The following FOCAD variants were observed in gnomAD, a reference collection of about 807,000 sequenced individuals.
The protein encoded by FOCAD is focadhesin.
A neutral mutation model predicts 225.6 loss-of-function variants in FOCAD; 198 were observed. The ratio of observed to expected loss-of-function variants is 0.88; its 90% CI spans 0.78 to 0.99. The LOEUF (loss-of-function observed/expected upper bound fraction) is 0.99, where lower values mean the gene tolerates loss of function less well. Among genes scored for constraint, FOCAD ranks in the 50% least tolerant of loss-of-function variants. The pLI is 0.00. For missense variants in FOCAD, 2,713 were observed against 2,123.6 expected, an observed-to-expected ratio of 1.28 and a Z score of -5.46; for synonymous variants, 897 against 755.0, an observed-to-expected ratio of 1.19 and a Z score of -3.08.
intron 28 of FOCAD, among the ~76,000 whole-genome samples, chr9:20,939,122 C>A (rs960243697): frequency 8.3e-6 from 1 of 119,992 alleles, no homozygotes; most frequent in South Asian, 2.9e-4. Flanking sequence ...TGCACTCCAG[C>A]CTGGGCGACA....
In FOCAD at chr9:20,711,092, C is replaced by T. The variant is rs569366461; in HGVS notation, c.-32-4230C>T. Among the ~76,000 whole-genome samples the T allele has an allele frequency of 1.2e-4, 19 of 152,224 alleles. No homozygotes were observed. The East Asian group carries it at 3.3e-3, about 26-fold the overall frequency. On this transcript the variant is annotated intron_variant, in intron 1 of 43. Transcript: ENST00000338382. ...TACAAATAGTTACATGTGCCTCAGA[C>T]CAAAATGCAGTAACACTGAATATAA...
At chr9:20,887,493 C>G (rs1831200218) in intron 21 of FOCAD, among the ~76,000 whole-genome samples, 1 of 152,186 alleles carries the variant, frequency 6.6e-6, no homozygotes, top group South Asian at 2.1e-4. Flanking sequence ...CCTCGGCCTC[C>G]CAAAGTGCTG....
In FOCAD at chr9:20,838,787, G is replaced by A. The variant is rs1035467250; in HGVS notation, c.1920+15672G>A. Among the ~76,000 whole-genome samples the A allele has an allele frequency of 2.6e-5, 4 of 152,074 alleles. No homozygotes were observed. The South Asian group carries it at 8.3e-4, about 32-fold the overall frequency. On this transcript the variant is annotated intron_variant, in intron 15 of 43. Coordinates refer to ENST00000338382, the MANE Select transcript of FOCAD (RefSeq NM_001375567.1). The stretch of plus-strand genomic sequence containing the variant: ...GAGTTCCCCATGACTTTGATGTTTA[G>A]TGAAGTTTGGGACCATTCTTAAGAA...
chr9:20,878,947 T>C (rs1316530588), intron 19 of FOCAD, among the ~76,000 whole-genome samples: 1 of 152,130 alleles, frequency 6.6e-6, no homozygotes, highest in Admixed American at 6.6e-5. Context: ...CTGTCCCAGC[T>C]CTCATAGAGA....
intron 2 of FOCAD, among the ~76,000 whole-genome samples, chr9:20,672,640 A>G (rs1310037812): frequency 1.3e-5 from 2 of 152,160 alleles, no homozygotes; most frequent in Non-Finnish European, 2.9e-5. Flanking sequence ...TAGTAGAGAC[A>G]GGGTCTCGCC....
chr9:20,931,146 G>T (rs559332423), intron 27 of FOCAD, among the ~76,000 whole-genome samples: 1 of 152,232 alleles, frequency 6.6e-6, no homozygotes, highest in South Asian at 2.1e-4. Context: ...TAATCATGCT[G>T]CCTGGAGAAA....
At chr9:20,835,780 C>T (rs1305601479) in intron 15 of FOCAD, among the ~76,000 whole-genome samples, 3 of 152,058 alleles carry the variant, frequency 2.0e-5, no homozygotes, top group African/African-American at 4.8e-5. Flanking sequence ...AGCTGTGAGT[C>T]TGTTGTAGCA....
chr9:20,728,203 C>G (rs1436815180), intron 4 of FOCAD, among the ~76,000 whole-genome samples: 2 of 152,112 alleles, frequency 1.3e-5, no homozygotes, highest in Non-Finnish European at 2.9e-5. Context: ...TCATTATAGG[C>G]TAACTATCCC....
At chr9:20,774,339 G>T (rs899342351) in intron 8 of FOCAD, among the ~76,000 whole-genome samples, 2 of 152,146 alleles carry the variant, frequency 1.3e-5, no homozygotes, top group East Asian at 3.9e-4. Context: ...CACAATGTGT[G>T]TTGCTTTTCT....
chr9:20,865,393 C>T (rs774299078), intron 16 of FOCAD, among the ~76,000 whole-genome samples: 1 of 152,012 alleles, frequency 6.6e-6, no homozygotes, highest in Non-Finnish European at 1.5e-5. Context: ...AGAAGACCAC[C>T]GACTGTTGGA....
chr9:20,801,520 C>A (rs574185231), intron 11 of FOCAD, among the ~76,000 whole-genome samples: 2 of 152,100 alleles, frequency 1.3e-5, no homozygotes, highest in African/African-American at 2.4e-5. Flanking sequence ...GATACAAATA[C>A]AGTTATTGAG....
chr9:20,663,850 A>C (rs537220172), intron 2 of FOCAD, among the ~76,000 whole-genome samples: 4 of 152,182 alleles, frequency 2.6e-5, no homozygotes, highest in African/African-American at 9.7e-5. Flanking sequence ...TTTATATGAT[A>C]TTTTCTCCCA....
chr9:20,823,948 G>A (rs752158003), intron 15 of FOCAD, among the ~76,000 whole-genome samples: 1 of 152,082 alleles, frequency 6.6e-6, no homozygotes, highest in South Asian at 2.1e-4. Flanking sequence ...TTTTACAGAT[G>A]AGGAAGATAG....
At chr9:20,691,347 T>C (rs1445729596) in intron 1 of FOCAD, among the ~76,000 whole-genome samples, 1 of 152,190 alleles carries the variant, frequency 6.6e-6, no homozygotes, top group Non-Finnish European at 1.5e-5. Flanking sequence ...TTACTGGTTC[T>C]TCCTTATCTC....
chr9:20,690,207 G>A (rs921415731), intron 1 of FOCAD, among the ~76,000 whole-genome samples: 3 of 152,130 alleles, frequency 2.0e-5, no homozygotes, highest in Non-Finnish European at 2.9e-5. Flanking sequence ...TAAGGACAGC[G>A]CCTCACTTAT....
At chr9:20,918,065 A>G (rs1171647430) in intron 24 of FOCAD, among the ~76,000 whole-genome samples, 7 of 152,236 alleles carry the variant, frequency 4.6e-5, no homozygotes, top group Non-Finnish European at 8.8e-5. Context: ...AATTGCAGAC[A>G]TAGTGGGAGA....
At chr9:20,708,189 A>G (rs1030837198) in intron 1 of FOCAD, among the ~76,000 whole-genome samples, 2 of 152,182 alleles carry the variant, frequency 1.3e-5, no homozygotes, top group African/African-American at 2.4e-5. Context: ...CAGCTTTTCT[A>G]TAAGCCATCC....
At chr9:20,734,381 C>G (rs1011586429) in intron 4 of FOCAD, among the ~76,000 whole-genome samples, 12 of 152,126 alleles carry the variant, frequency 7.9e-5, no homozygotes, top group African/African-American at 2.9e-4. Context: ...ATTCCTAGAC[C>G]TATAAAAAAC....
rs577734628 is a variant in FOCAD, at chr9:20,944,733, C to T, written c.3514C>T (p.His1172Tyr). 8.7e-6 allele frequency: 14 copies of T among 1,613,940 alleles called. No individual in the cohort carries two copies. In the South Asian group the frequency reaches 1.1e-4, roughly 13 times the overall value. The change falls in exon 29 of 44, where the codon CAC becomes TAC. Residue 1172 changes from histidine to tyrosine, a missense_variant. His to Tyr is a moderately conservative substitution (Grantham distance 83, BLOSUM62 2). Transcript: ENST00000338382. The part of the protein sequence containing the change: ...VAALLRKLSA[H>Y]VDDSGSQSRT... ...AGCATTGCTCCGGAAGCTGTCTGCG[C>T]ACGTAGATGACAGCGGGAGCCAGAG...
Sources: gnomAD v4.1 joint callset for allele counts (sites outside exome capture counted in the v4.1 genomes callset) on GRCh38, gnomAD v4.1.1 for gene constraint, MANE v1.5 for transcripts, NCBI Gene and HGNC (gene_info 2026-07-23, HGNC 2026-07-21) for gene names.